MTMR8: variants seen among roughly 807,000 people sequenced by gnomAD.
MTMR8 encodes the protein myotubularin related protein 8.
A neutral mutation model predicts 39.3 loss-of-function variants in MTMR8; 65 were observed. That is an observed-to-expected ratio of 1.65 (90% CI 1.35 to 2.03). The LOEUF (loss-of-function observed/expected upper bound fraction) is 2.03, where lower values mean the gene tolerates loss of function less well. Ranked by LOEUF, MTMR8 falls within the 30% of genes most tolerant of loss-of-function variation. The pLI, the probability that MTMR8 is intolerant of heterozygous loss-of-function variation, is 0.00. For synonymous variants in MTMR8, 245 were observed against 185.2 expected (o/e 1.32, Z -2.62); for missense variants, 777 against 538.9 (o/e 1.44, Z -4.37).
At position 64,350,071 on chromosome X, in the gene MTMR8, C is replaced by T; in HGVS notation, c.469-1G>A. ...TTTCAGGAGGGTAGGTGCTGCATAT[C>T]TAAAAGAAAATAAGCACAATATATA... On this transcript the variant is annotated splice_acceptor_variant, in intron 4 of 13. Coordinates refer to ENST00000374852, the MANE Select transcript of MTMR8 (RefSeq NM_017677.4). LOFTEE classifies it high-confidence loss of function. 9.1e-7 allele frequency: 1 copy of T among 1,100,221 alleles called. No individual in the cohort carries two copies. Among genetic ancestry groups the T allele is most frequent in the Non-Finnish European group, 1.2e-6 (1 of 827,664 alleles). 90.7% of individuals were successfully genotyped at this position (1,100,221 alleles called of 1,213,427 possible).
At chrX:64,382,845 A>T (rs1383423665) in intron 1 of MTMR8, among the ~76,000 whole-genome samples, 1 of 111,505 alleles carries the variant, frequency 9.0e-6, no homozygotes, top group Non-Finnish European at 1.9e-5. Flanking sequence ...GGAATTGGAG[A>T]AGTTTAAGAA....
intron 4 of MTMR8, among the ~76,000 whole-genome samples, chrX:64,352,552 C>T (rs1289940692): frequency 1.8e-5 from 2 of 111,494 alleles, no homozygotes; most frequent in Admixed American, 9.6e-5. Flanking sequence ...TCTGTTTAAT[C>T]ACCTTGAAGT....
intron 12 of MTMR8, among the ~76,000 whole-genome samples, chrX:64,286,072 C>A (rs182695661): frequency 9.6e-4 from 107 of 111,399 alleles, no homozygotes; most frequent in Non-Finnish European, 1.5e-3. Context: ...AACTGATAGA[C>A]TGCCAGCAAG....
intron 1 of MTMR8, among the ~76,000 whole-genome samples, chrX:64,363,273 C>T (rs1349969106): frequency 8.9e-6 from 1 of 112,168 alleles, no homozygotes; most frequent in African/African-American, 3.2e-5. Context: ...ACCCAAATCT[C>T]ATGTTGAAAT....
intron 1 of MTMR8, among the ~76,000 whole-genome samples, chrX:64,365,366 T>A (rs759637530): frequency 2.1e-4 from 23 of 108,874 alleles, no homozygotes; most frequent in Non-Finnish European, 3.4e-4. Flanking sequence ...GAGAGAAAGG[T>A]CATGTTACAC....
At chrX:64,293,096 G>A (rs746915076) in intron 12 of MTMR8, among the ~76,000 whole-genome samples, 1 of 111,362 alleles carries the variant, frequency 9.0e-6, no homozygotes, top group African/African-American at 3.3e-5. Context: ...CAGATGACCT[G>A]CAGCATGATG....
Position 64,270,959 on chromosome X carries a change from A to T in MTMR8, c.1596T>A (p.His532Gln). 2 of 1,209,598 alleles carry T rather than the reference A, an allele frequency of 1.7e-6. No homozygotes were observed. Among genetic ancestry groups the T allele is most frequent in the Non-Finnish European group, 2.2e-6 (2 of 894,666 alleles). ...CTTTTCTCCTCACCTTTTCTAGTTC[A>T]TGCACATCTGTCTCCAGCATTGCTC... ...KQRAMLETDVHELEKKLKVRD... is the reference protein window; with the variant it reads ...KQRAMLETDVQELEKKLKVRD... The change falls in exon 13 of 14, where the codon CAT becomes CAA. Residue 532 changes from histidine (H) to glutamine (Q), a missense_variant. By Grantham distance (24) the His-to-Gln change is conservative (BLOSUM62 0). Transcript: ENST00000374852.
intron 1 of MTMR8, among the ~76,000 whole-genome samples, chrX:64,367,513 T>C (rs187708189): frequency 1.1e-4 from 12 of 111,996 alleles, no homozygotes; most frequent in African/African-American, 3.2e-4. Flanking sequence ...AAAAACCACA[T>C]GATTATCTCA....
In MTMR8 at chrX:64,331,770, A is replaced by T. The variant is rs1569222294; in HGVS notation, c.1152-13T>A. 8.5e-7 allele frequency: 1 copy of T among 1,172,307 alleles called. No homozygotes were observed. Among genetic ancestry groups the T allele is most frequent in the Admixed American group, 2.2e-5 (1 of 45,201 alleles). Reference sequence around the variant, plus strand: ...GAGGTGGCCACACCTGAGAGATGAAAATAAAGGTAAAGAAAGACACTAGTT... The same window carrying T: ...GAGGTGGCCACACCTGAGAGATGAATATAAAGGTAAAGAAAGACACTAGTT... On this transcript the variant is annotated splice_polypyrimidine_tract_variant and intron_variant, in intron 10 of 13. Transcript: ENST00000374852.
chrX:64,349,343 T>A (rs1027250937), intron 5 of MTMR8, among the ~76,000 whole-genome samples: 2 of 111,905 alleles, frequency 1.8e-5, no homozygotes, highest in Non-Finnish European at 3.8e-5. Context: ...TACACTTTGA[T>A]GTGGCTTTTA....
Position 64,296,367 on chromosome X carries a change from T to C in MTMR8, c.1482-25294A>G, listed in dbSNP as rs924526849. ...GCTATGGAGTTTCTGTTTGGGATGA[T>C]GAAAGAGTTCTGGAAATGGATAATG... On this transcript the variant is annotated intron_variant, in intron 12 of 13. Coordinates refer to ENST00000374852, the MANE Select transcript of MTMR8 (RefSeq NM_017677.4). 5.4e-5 allele frequency among the ~76,000 whole-genome samples: 6 copies of C among 111,132 alleles called. No individual in the cohort carries two copies. The Admixed American group carries it at 5.8e-4, about 11-fold the overall frequency.
At chrX:64,335,090 G>A (rs1001175764) in intron 10 of MTMR8, among the ~76,000 whole-genome samples, 14 of 111,148 alleles carry the variant, frequency 1.3e-4, no homozygotes, top group African/African-American at 4.6e-4. Context: ...ATATCAATGG[G>A]GGAAAATAAG....
At chrX:64,386,374 G>A (rs1042576208) in intron 1 of MTMR8, among the ~76,000 whole-genome samples, 4 of 111,825 alleles carry the variant, frequency 3.6e-5, no homozygotes, top group African/African-American at 1.3e-4. Context: ...TAGAAAGGAG[G>A]GAGCAAGGTG....
intron 12 of MTMR8, among the ~76,000 whole-genome samples, chrX:64,274,132 C>G (rs908442877): frequency 3.6e-5 from 4 of 111,437 alleles, no homozygotes; most frequent in Non-Finnish European, 5.7e-5. Context: ...GAATATTCAA[C>G]CCAATAACAG....
intron 12 of MTMR8, among the ~76,000 whole-genome samples, chrX:64,318,831 C>T (rs992186319): frequency 9.2e-6 from 1 of 108,907 alleles, no homozygotes; most frequent in African/African-American, 3.4e-5. Flanking sequence ...TCTCAGCCTC[C>T]CAAGTAGCTG....
At chrX:64,342,506 C>A (rs979391604) in intron 8 of MTMR8, among the ~76,000 whole-genome samples, 5 of 112,273 alleles carry the variant, frequency 4.5e-5, no homozygotes, top group Non-Finnish European at 9.4e-5. Context: ...TCAAATCTCC[C>A]TCTTATCCAT....
At chrX:64,340,752 C>T (rs1468557118) in intron 8 of MTMR8, among the ~76,000 whole-genome samples, 1 of 111,660 alleles carries the variant, frequency 9.0e-6, no homozygotes, top group Non-Finnish European at 1.9e-5. Context: ...CAAACAGAGT[C>T]AAAAGTCACT....
At chrX:64,303,949 C>A (rs1432008148) in intron 12 of MTMR8, among the ~76,000 whole-genome samples, 1 of 112,136 alleles carries the variant, frequency 8.9e-6, no homozygotes, top group Non-Finnish European at 1.9e-5. Flanking sequence ...GCACATTTTA[C>A]TGTTTTATAC....
At chrX:64,278,721 C>G (rs754425475) in intron 12 of MTMR8, among the ~76,000 whole-genome samples, 2 of 110,140 alleles carry the variant, frequency 1.8e-5, no homozygotes, top group Non-Finnish European at 3.8e-5. Flanking sequence ...ATCTGCCCGC[C>G]TCGGCCTTCC....
Sources: allele counts gnomAD v4.1 joint callset (sites outside exome capture counted in the v4.1 genomes callset), GRCh38; gene constraint gnomAD v4.1.1; transcripts MANE v1.5; gene names NCBI Gene and HGNC (gene_info 2026-07-23, HGNC 2026-07-21).